FAM178B: variants seen among roughly 807,000 people sequenced by gnomAD.
FAM178B encodes the protein family with sequence similarity 178 member B.
Under a neutral mutation model 91.7 loss-of-function variants are expected in FAM178B, and 82 were observed. The ratio of observed to expected loss-of-function variants is 0.89; its 90% confidence interval spans 0.75 to 1.07. FAM178B has a LOEUF of 1.07. Ranked by LOEUF, FAM178B falls within the 50% of genes least tolerant of loss-of-function variation. The pLI is 0.00. For missense variants in FAM178B, 769 were observed against 846.7 expected (o/e 0.91, Z 1.14); for synonymous variants, 368 against 359.4 (o/e 1.02, Z -0.27).
intron 6 of FAM178B, among the ~76,000 whole-genome samples, chr2:96,958,540 A>T (rs899608993): frequency 6.6e-6 from 1 of 151,734 alleles, no homozygotes; most frequent in Non-Finnish European, 1.5e-5. Context: ...AAATACAAAA[A>T]TTAACCTAGA....
chr2:96,951,597 T>C (rs1477458670), intron 6 of FAM178B, 113 bp from the exon 7 acceptor site: 2 of 766,890 alleles, frequency 2.6e-6, no homozygotes, highest in Non-Finnish European at 2.2e-6. Context: ...GAAGCATATC[T>C]GTAACGCTAG....
intron 14 of FAM178B, among the ~76,000 whole-genome samples, chr2:96,880,898 CTTTTT>C (rs992024538): frequency 2.6e-5 from 4 of 152,170 alleles, no homozygotes; most frequent in African/African-American, 9.6e-5. Flanking sequence ...CCGGCTAAAA[CTTTTT>C]TTTAACAAGA....
intron 8 of FAM178B, among the ~76,000 whole-genome samples, chr2:96,936,001 T>C (rs2081619421): frequency 6.6e-6 from 1 of 151,970 alleles, no homozygotes; most frequent in Non-Finnish European, 1.5e-5. Flanking sequence ...CAGTTAATAA[T>C]GTATTGATAT....
chr2:96,921,369 A>C, intron 11 of FAM178B, 107 bp from the exon 12 acceptor site: 1 of 1,501,432 alleles, frequency 6.7e-7, no homozygotes, highest in Non-Finnish European at 9.1e-7. Flanking sequence ...GAGATCAGGG[A>C]CATTCCGATG....
intron 3 of FAM178B, among the ~76,000 whole-genome samples, chr2:96,971,566 A>G (rs192977881): frequency 6.6e-6 from 1 of 152,298 alleles, no homozygotes. Flanking sequence ...CCCAGACCTC[A>G]GCTCTGAGAT....
At chr2:96,931,109 T>C (rs1208881201) in intron 8 of FAM178B, among the ~76,000 whole-genome samples, 1 of 152,130 alleles carries the variant, frequency 6.6e-6, no homozygotes, top group African/African-American at 2.4e-5. Context: ...GCTGGCAGTA[T>C]CCAGAAGGCA....
chr2:96,930,074 C>T lies in FAM178B; in HGVS notation c.1079-754G>A, dbSNP rs900108000. On this transcript the variant is annotated intron_variant, in intron 8 of 16. Coordinates refer to ENST00000490605, the MANE Select transcript of FAM178B (RefSeq NM_001122646.3). ...CTACTAAAATACAAAAGAAAGTAGC[C>T]GAGCATGGCGGCATGAGCCTGTAGT... Among the ~76,000 whole-genome samples, 19 of 151,822 alleles carry T rather than the reference C, an allele frequency of 1.3e-4. No individual in the cohort carries two copies. The East Asian group carries it at 1.4e-3, about 11-fold the overall frequency.
chr2:96,983,630 G>A (rs1574333159), intron 1 of FAM178B, among the ~76,000 whole-genome samples: 2 of 152,052 alleles, frequency 1.3e-5, no homozygotes, highest in East Asian at 3.9e-4. Context: ...TCATTGTGTT[G>A]CCCAGGCTGG....
intron 12 of FAM178B, among the ~76,000 whole-genome samples, chr2:96,919,095 C>T (rs1413938507): frequency 6.6e-6 from 1 of 152,208 alleles, no homozygotes; most frequent in East Asian, 1.9e-4. Context: ...CCTTTCCTTC[C>T]ACAACTTGGT....
At chr2:96,977,937 A>AGGG in intron 1 of FAM178B, 2 of 55,270 alleles carry the variant, frequency 3.6e-5, no homozygotes, top group South Asian at 8.0e-5. Context: ...TCATCGCTGG[A>AGGG]GGGTGGGGCG....
At chr2:96,889,715 AATAAATAC>A (rs1481708382) in intron 14 of FAM178B, among the ~76,000 whole-genome samples, 4 of 136,890 alleles carry the variant, frequency 2.9e-5, no homozygotes, top group Admixed American at 1.6e-4. Context: ...TAAATAAATA[AATAAATAC>A]AAAAAAAAAT....
At chr2:96,956,451 C>CA (rs1419292818) in intron 6 of FAM178B, among the ~76,000 whole-genome samples, 1 of 152,208 alleles carries the variant, frequency 6.6e-6, no homozygotes, top group Non-Finnish European at 1.5e-5. Flanking sequence ...ACGCAGACGC[C>CA]AAGCCCACCC....
chr2:96,879,038 G>A (rs562549196), intron 14 of FAM178B, among the ~76,000 whole-genome samples: 1 of 152,364 alleles, frequency 6.6e-6, no homozygotes, highest in South Asian at 2.1e-4. Flanking sequence ...AAAACAGGAC[G>A]CAGGCCTGCT....
chr2:96,926,810 T>C (rs2081446605), intron 9 of FAM178B, among the ~76,000 whole-genome samples: 1 of 152,182 alleles, frequency 6.6e-6, no homozygotes, highest in African/African-American at 2.4e-5. Context: ...GTGGGAAGAC[T>C]TGTCTTTCTC....
chr2:96,917,598 G>A (rs961554538), intron 12 of FAM178B, among the ~76,000 whole-genome samples: 8 of 152,220 alleles, frequency 5.3e-5, no homozygotes, highest in African/African-American at 1.7e-4. Context: ...GCTCACACCC[G>A]TGATCCCAGC....
At chr2:96,928,107 A>C (rs2081476216) in intron 9 of FAM178B, among the ~76,000 whole-genome samples, 3 of 152,166 alleles carry the variant, frequency 2.0e-5, no homozygotes, top group African/African-American at 4.8e-5. Context: ...GTCGTGGAAC[A>C]GGTTCTTAGG....
At chr2:96,886,165 C>T (rs2080514963) in intron 14 of FAM178B, among the ~76,000 whole-genome samples, 1 of 152,186 alleles carries the variant, frequency 6.6e-6, no homozygotes, top group Non-Finnish European at 1.5e-5. Context: ...CCTGTCCTTT[C>T]CCTTCCTTTG....
intron 16 of FAM178B, among the ~76,000 whole-genome samples, chr2:96,876,538 T>C (rs2080246655): frequency 6.6e-6 from 1 of 152,208 alleles, no homozygotes; most frequent in Non-Finnish European, 1.5e-5. Context: ...TGAATCACTT[T>C]TCCTTCTTCT....
At chr2:96,888,720 G>A (rs1182354070) in intron 14 of FAM178B, among the ~76,000 whole-genome samples, 1 of 152,214 alleles carries the variant, frequency 6.6e-6, no homozygotes, top group East Asian at 1.9e-4. Context: ...ACACCACAAG[G>A]ATATACAGGA....
Sources: gnomAD v4.1 joint callset for allele counts (sites outside exome capture counted in the v4.1 genomes callset) on GRCh38, gnomAD v4.1.1 for gene constraint, MANE v1.5 for transcripts, NCBI Gene and HGNC (gene_info 2026-07-23, HGNC 2026-07-21) for gene names.